Variants in STAG1 observed in about 807,000 individuals in gnomAD.
STAG1 encodes the protein cohesin subunit SA-1.
STAG1 carries 26 observed loss-of-function variants against 170.9 expected under a neutral mutation model. The ratio of observed to expected loss-of-function variants is 0.15; its 90% CI spans 0.11 to 0.21. The LOEUF (loss-of-function observed/expected upper bound fraction) is 0.21, where lower values mean the gene tolerates loss of function less well. Ranked by LOEUF, STAG1 falls within the 10% of genes least tolerant of loss-of-function variation. The pLI is 1.00. For synonymous variants in STAG1, 514 were observed against 497.7 expected (o/e 1.03, Z -0.44); for missense variants, 964 against 1,509.5 (o/e 0.64, Z 5.99).
At chr3:136,600,141 GC>G (rs1462876872) in intron 4 of STAG1, among the ~76,000 whole-genome samples, 2 of 152,170 alleles carry the variant, frequency 1.3e-5, no homozygotes, top group Non-Finnish European at 2.9e-5. Flanking sequence ...AATAAAAATA[GC>G]CATGCAAACT....
At chr3:136,458,010 A>T (rs2089166942) in intron 13 of STAG1, among the ~76,000 whole-genome samples, 1 of 152,358 alleles carries the variant, frequency 6.6e-6, no homozygotes, top group East Asian at 1.9e-4. Flanking sequence ...CAAAATTTTT[A>T]AAATGTAAAT....
At chr3:136,730,504 A>G (rs1933951077) in intron 1 of STAG1, among the ~76,000 whole-genome samples, 1 of 152,210 alleles carries the variant, frequency 6.6e-6, no homozygotes, top group African/African-American at 2.4e-5. Flanking sequence ...TACCTACATA[A>G]AACTGCTGTG....
intron 1 of STAG1, among the ~76,000 whole-genome samples, chr3:136,746,835 G>C (rs192399629): frequency 1.8e-4 from 28 of 151,916 alleles, no homozygotes; most frequent in Admixed American, 5.9e-4. Flanking sequence ...AGTGCCTCAA[G>C]CCTGTAATCC....
intron 6 of STAG1, among the ~76,000 whole-genome samples, chr3:136,525,492 CTTT>C (rs1197000899): frequency 2.0e-5 from 3 of 151,918 alleles, no homozygotes; most frequent in Admixed American, 1.3e-4. Flanking sequence ...CTCTTTTCTT[CTTT>C]ATTAGCCTTG....
chr3:136,673,855 C>T (rs1380084091), intron 1 of STAG1, among the ~76,000 whole-genome samples: 1 of 151,874 alleles, frequency 6.6e-6, no homozygotes, highest in Non-Finnish European at 1.5e-5. Flanking sequence ...GTAATCCCAG[C>T]ACTTTGGGAG....
At chr3:136,558,259 GCA>G (rs1341043751) in intron 5 of STAG1, among the ~76,000 whole-genome samples, 1 of 152,142 alleles carries the variant, frequency 6.6e-6, no homozygotes, top group Admixed American at 6.5e-5. Flanking sequence ...AGGCGTGGTG[GCA>G]CATGCCTGTA....
chr3:136,561,775 A>G (rs1481821419), intron 5 of STAG1, among the ~76,000 whole-genome samples: 1 of 151,740 alleles, frequency 6.6e-6, no homozygotes, highest in Non-Finnish European at 1.5e-5. Flanking sequence ...GACAATGACT[A>G]CTGATTTCCC....
chr3:136,666,074 C>CAAAAAAAAAAAAAAAAAAA lies in STAG1; in HGVS notation c.-83-35112_-83-35094dup, dbSNP rs576009223. On this transcript the variant is annotated intron_variant, in intron 1 of 33. Coordinates refer to ENST00000383202, the MANE Select transcript of STAG1 (RefSeq NM_005862.3). ...TGGGCGATAGAGTGAGACTCCATCT[C>CAAAAAAAAAAAAAAAAAAA]AAAAAAAAAAAAAAAAAAAAAAAAA... 2.0e-4 allele frequency among the ~76,000 whole-genome samples: 10 copies of CAAAAAAAAAAAAAAAAAAA among 51,170 alleles called. 1 individual carries two copies. Among genetic ancestry groups the CAAAAAAAAAAAAAAAAAAA allele is most frequent in the Non-Finnish European group, 2.9e-4 (7 of 23,810 alleles). The allele number at this position is 51,170 out of a possible 152,430, so 33.6% of individuals were successfully genotyped here.
chr3:136,534,124 T>A (rs982524480), intron 6 of STAG1, among the ~76,000 whole-genome samples: 1 of 152,188 alleles, frequency 6.6e-6, no homozygotes, highest in Non-Finnish European at 1.5e-5. Context: ...CCAACTGATG[T>A]TTGACAAAGG....
At chr3:136,741,943 T>C (rs1934692313) in intron 1 of STAG1, among the ~76,000 whole-genome samples, 1 of 152,212 alleles carries the variant, frequency 6.6e-6, no homozygotes. Flanking sequence ...AAAAGATTAT[T>C]ACCAGAAACA....
chr3:136,733,185 A>G (rs533278085), intron 1 of STAG1, among the ~76,000 whole-genome samples: 1 of 151,368 alleles, frequency 6.6e-6, no homozygotes, highest in Admixed American at 6.6e-5. Flanking sequence ...CCTGGGCTGA[A>G]GCAATCCTCC....
intron 6 of STAG1, among the ~76,000 whole-genome samples, chr3:136,524,831 TTTCAGCATC>T (rs1934906834): frequency 6.6e-6 from 1 of 152,220 alleles, no homozygotes; most frequent in Non-Finnish European, 1.5e-5. Flanking sequence ...TCAAAGGCCT[TTTCAGCATC>T]TATTGAGATA....
intron 29 of STAG1, 86 bp from the exon 30 acceptor site, chr3:136,344,092 G>T: frequency 2.0e-6 from 2 of 1,007,010 alleles, no homozygotes; most frequent in Non-Finnish European, 2.8e-6. Flanking sequence ...GAAGAGTGTG[G>T]CTCTGCAGTC....
intron 9 of STAG1, among the ~76,000 whole-genome samples, chr3:136,490,420 CAG>C (rs1481179353): frequency 6.6e-6 from 1 of 152,142 alleles, no homozygotes; most frequent in African/African-American, 2.4e-5. Flanking sequence ...TAAGTAAAAA[CAG>C]TGGCAAAATA....
chr3:136,463,507 C>A (rs1296055810), intron 13 of STAG1, among the ~76,000 whole-genome samples: 2 of 151,852 alleles, frequency 1.3e-5, no homozygotes, highest in African/African-American at 4.8e-5. Flanking sequence ...TAATTTAAAT[C>A]CATGAACAAA....
At chr3:136,622,137 A>C (rs1368229396) in intron 3 of STAG1, among the ~76,000 whole-genome samples, 1 of 38,834 alleles carries the variant, frequency 2.6e-5, no homozygotes, top group Non-Finnish European at 8.9e-5. Context: ...ATCTCTACTA[A>C]AAAAAAAAAA....
At chr3:136,524,436 C>T (rs1408158285) in intron 6 of STAG1, among the ~76,000 whole-genome samples, 2 of 152,260 alleles carry the variant, frequency 1.3e-5, no homozygotes, top group African/African-American at 4.8e-5. Context: ...GATTTTTCCA[C>T]ATTGATTTTG....
intron 1 of STAG1, among the ~76,000 whole-genome samples, chr3:136,643,597 C>G (rs989002284): frequency 6.6e-6 from 1 of 152,156 alleles, no homozygotes; most frequent in African/African-American, 2.4e-5. Context: ...CAACCTCTGC[C>G]TCCTAGGCTC....
intron 14 of STAG1, among the ~76,000 whole-genome samples, chr3:136,446,436 A>AT (rs1311070542): frequency 9.9e-5 from 15 of 151,018 alleles, no homozygotes; most frequent in African/African-American, 3.7e-4. Flanking sequence ...AAATTATTTT[A>AT]TTTTTAGACA....
Sources: allele counts gnomAD v4.1 joint callset (sites outside exome capture counted in the v4.1 genomes callset), GRCh38; gene constraint gnomAD v4.1.1; transcripts MANE v1.5; gene names NCBI Gene and HGNC (gene_info 2026-07-23, HGNC 2026-07-21).